Variants in LAMA4 observed in about 807,000 individuals in gnomAD.
LAMA4 encodes the protein laminin subunit alpha 4.
In LAMA4, 127 loss-of-function variants were observed where a neutral mutation model predicts 207.1. That is an observed-to-expected ratio of 0.61 (90% CI 0.53 to 0.71). The LOEUF (loss-of-function observed/expected upper bound fraction) is 0.71, where lower values mean the gene tolerates loss of function less well. Among genes scored for constraint, LAMA4 ranks in the 30% least tolerant of loss-of-function variants. The pLI, the probability that LAMA4 is intolerant of heterozygous loss-of-function variation, is 0.00. For synonymous variants in LAMA4, 761 were observed against 816.0 expected (o/e 0.93, Z 1.15); for missense variants, 2,093 against 2,246.5 (o/e 0.93, Z 1.38).
rs1421445929 is a variant in LAMA4 at position 112,118,960 on chromosome 6, A to G, written c.4821+196T>C. On this transcript the variant is annotated intron_variant, in intron 34 of 38. Transcript: ENST00000230538. This position sits in a 1 kb window ranked among gnomAD's most constrained non-coding sequence, Gnocchi z 4.6. ...TTGACATCTACCTTAGAATTGAAAG[A>G]TTACTTCTGACTTTGTAATGCCACA... Among the ~76,000 whole-genome samples the G allele has an allele frequency of 2.0e-5, 3 of 152,152 alleles. No individual in the cohort carries two copies. The highest frequency in any genetic ancestry group is 2.9e-5 in the Non-Finnish European group (2 of 68,026).
At chr6:112,223,412 C>G (rs1785032372) in intron 2 of LAMA4, among the ~76,000 whole-genome samples, 1 of 152,200 alleles carries the variant, frequency 6.6e-6, no homozygotes, top group African/African-American at 2.4e-5. Flanking sequence ...TCATCTTCAT[C>G]TGGTTTTTAT....
chr6:112,220,878 T>C (rs782450992), intron 2 of LAMA4, among the ~76,000 whole-genome samples: 31 of 152,158 alleles, frequency 2.0e-4, no homozygotes, highest in Non-Finnish European at 4.4e-4. Flanking sequence ...AACAAAATTT[T>C]AGTTAAAAAA....
Position 112,200,072 on chromosome 6 carries a change from G to C in LAMA4, c.503+1536C>G, listed in dbSNP as rs562397320. On this transcript the variant is annotated intron_variant, in intron 5 of 38. Coordinates refer to ENST00000230538, the MANE Select transcript of LAMA4 (RefSeq NM_001105206.3). ...TGTCTGAGAGACTCTTTGAGCAAAA[G>C]CCATTTTATCTTACAACACTGCGAG... 385 of 529,568 alleles carry C rather than the reference G, an allele frequency of 7.3e-4. 3 individuals carry two copies. Among genetic ancestry groups the C allele is most frequent in the African/African-American group, 5.7e-3 (298 of 51,868 alleles). 32.8% of individuals were successfully genotyped at this position (529,568 alleles called of 1,614,324 possible). A position where few individuals can be genotyped will look rare whatever the true frequency, so the allele number is the denominator to read the frequency against.
At position 112,109,123 on chromosome 6, in the gene LAMA4, C is replaced by A; in HGVS notation, c.*314G>T. ...TCTAGCCGCACTTCAAAAATGTGTG[C>A]AAGTGTTTATTTGGAATCCCTTCTA... On this transcript the variant is annotated 3_prime_UTR_variant, in exon 39 of 39. Transcript: ENST00000230538. 2.8e-6 allele frequency: 1 copy of A among 359,996 alleles called. No homozygotes were observed. Among genetic ancestry groups the A allele is most frequent in the Non-Finnish European group, 5.2e-6 (1 of 190,752 alleles). The allele number at this position is 359,996 out of a possible 1,614,324, so 22.3% of individuals were successfully genotyped here.
At chr6:112,181,704 C>T (rs554254181) in intron 9 of LAMA4, among the ~76,000 whole-genome samples, 1 of 152,248 alleles carries the variant, frequency 6.6e-6, no homozygotes, top group South Asian at 2.1e-4. Flanking sequence ...TTATTAAATG[C>T]TGTATCATAA....
At chr6:112,253,672 C>T (rs1787623735) in intron 2 of LAMA4, 2 of 1,438,386 alleles carry the variant, frequency 1.4e-6, no homozygotes, top group African/African-American at 2.8e-5. Context: ...TGTGCTGCTG[C>T]AGTCCCCGGT....
chr6:112,119,033 T>C, intron 34 of LAMA4, 123 bp downstream of exon 34: 1 of 974,208 alleles, frequency 1.0e-6, no homozygotes, highest in African/African-American at 1.6e-5. Context: ...ATATCCCATT[T>C]CCAGAAAACT....
At chr6:112,203,093 G>A (rs1277742236) in intron 4 of LAMA4, among the ~76,000 whole-genome samples, 3 of 152,184 alleles carry the variant, frequency 2.0e-5, no homozygotes, top group African/African-American at 7.2e-5. Context: ...CAGACTCGGT[G>A]GCAGGGCCAG....
intron 3 of LAMA4, among the ~76,000 whole-genome samples, chr6:112,208,567 C>A (rs1393692786): frequency 6.6e-6 from 1 of 152,168 alleles, no homozygotes; most frequent in Non-Finnish European, 1.5e-5. Flanking sequence ...TTCAGGAAAT[C>A]TGGCTCCAGA....
intron 31 of LAMA4, among the ~76,000 whole-genome samples, chr6:112,122,835 A>G (rs587669368): frequency 2.6e-5 from 4 of 152,334 alleles, no homozygotes; most frequent in African/African-American, 7.2e-5. Flanking sequence ...CTGAAGCAAA[A>G]TAAAAGTAAA....
Position 112,142,175 on chromosome 6 carries a change from G to T in LAMA4, c.2611C>A (p.Arg871=), listed in dbSNP as rs782774293. Reference sequence around the variant, plus strand: ...TCTGCAGTCTCGGTCAGTTCCGGCCGCTTCACAGGGGGTTTCATGTACAGG... The same window carrying T: ...TCTGCAGTCTCGGTCAGTTCCGGCCTCTTCACAGGGGGTTTCATGTACAGG... ...LSLYMKPPVK[R]PELTETADQF... The change falls in exon 20 of 39, where the codon CGG becomes AGG. Residue 871 remains arginine (R), a synonymous_variant. Transcript: ENST00000230538. 8.7e-6 allele frequency: 14 copies of T among 1,613,926 alleles called. No homozygotes were observed. Among genetic ancestry groups the T allele is most frequent in the Middle Eastern group, 3.3e-4 (2 of 6,084 alleles).
At chr6:112,241,764 G>A (rs568364494) in intron 2 of LAMA4, among the ~76,000 whole-genome samples, 3 of 152,292 alleles carry the variant, frequency 2.0e-5, no homozygotes, top group Non-Finnish European at 2.9e-5. Context: ...GAATGGGGAC[G>A]TCGGCTCTGA....
chr6:112,247,532 A>AAAACC (rs1554188899), intron 2 of LAMA4, among the ~76,000 whole-genome samples: 1 of 152,196 alleles, frequency 6.6e-6, no homozygotes. Flanking sequence ...AAAACAAAAC[A>AAAACC]AAACCAGAAG....
chr6:112,215,498 T>C (rs193126675), intron 3 of LAMA4, among the ~76,000 whole-genome samples: 1 of 150,496 alleles, frequency 6.6e-6, no homozygotes, highest in Admixed American at 6.6e-5. Context: ...TTATAGTTTA[T>C]GCAAAAATAC....
intron 9 of LAMA4, among the ~76,000 whole-genome samples, chr6:112,180,358 T>C (rs1441020310): frequency 6.6e-6 from 1 of 152,170 alleles, no homozygotes; most frequent in South Asian, 2.1e-4. Context: ...ACTGGATCAG[T>C]GGCAAAGAGG....
Position 112,117,948 on chromosome 6 carries a change from C to T in LAMA4, c.4822-50G>A, listed in dbSNP as rs370960181. 5 of 1,554,404 alleles carry T rather than the reference C, an allele frequency of 3.2e-6. No homozygotes were observed. The highest frequency in any genetic ancestry group is 4.4e-6 in the Non-Finnish European group (5 of 1,128,238). On this transcript the variant is annotated intron_variant, in intron 34 of 38. Transcript: ENST00000230538. The surrounding 1 kb of genome is among the most constrained non-coding windows in gnomAD (Gnocchi z 4.5). Reference sequence around the variant, plus strand: ...AATCAATTTTCTCAACACAAATGCACCAAGGGGAAGCAAAATGAGGGGGTT... The same window carrying T: ...AATCAATTTTCTCAACACAAATGCATCAAGGGGAAGCAAAATGAGGGGGTT...
intron 3 of LAMA4, among the ~76,000 whole-genome samples, chr6:112,210,779 ATCT>A (rs1225693395): frequency 2.0e-5 from 3 of 152,220 alleles, no homozygotes; most frequent in East Asian, 1.9e-4. Context: ...GGCAGAATCC[ATCT>A]TCTTCTATTA....
chr6:112,241,152 T>TATATATGAATATATATATTC (rs782682915), intron 2 of LAMA4, among the ~76,000 whole-genome samples: 8 of 98,486 alleles, frequency 8.1e-5, no homozygotes, highest in Admixed American at 1.9e-4. Context: ...TATATATGAA[T>TATATATGAATATATATATTC]ATATATATGA....
At chr6:112,156,525 C>A (rs1780723160) in intron 14 of LAMA4, among the ~76,000 whole-genome samples, 1 of 152,164 alleles carries the variant, frequency 6.6e-6, no homozygotes, top group South Asian at 2.1e-4. Context: ...ACTTCTACTG[C>A]CTCTGTAATA....
Sources: allele counts gnomAD v4.1 joint callset (sites outside exome capture counted in the v4.1 genomes callset), GRCh38; gene constraint gnomAD v4.1.1; non-coding constraint Gnocchi (gnomAD v3.1); transcripts MANE v1.5; gene names NCBI Gene and HGNC (gene_info 2026-07-23, HGNC 2026-07-21).